The following DSCAM variants were observed in gnomAD, a reference collection of about 807,000 sequenced individuals.
DSCAM encodes the protein DS cell adhesion molecule.
Under a neutral mutation model 217.7 loss-of-function variants are expected in DSCAM, and 47 were observed. The ratio of observed to expected loss-of-function variants is 0.22; its 90% CI spans 0.17 to 0.28. DSCAM has a LOEUF of 0.28. Among genes scored for constraint, DSCAM ranks in the 10% least tolerant of loss-of-function variants. DSCAM has a pLI of 1.00. For synonymous variants in DSCAM, 1,056 were observed against 1,015.3 expected, an observed-to-expected ratio of 1.04 and a Z score of -0.76; for missense variants, 2,080 against 2,618.3, an observed-to-expected ratio of 0.79 and a Z score of 4.49.
Position 40,168,127 on chromosome 21 carries a change from T to C in DSCAM, c.2948-839A>G, listed in dbSNP as rs550660003. ...ACCAGGGGCTCTAGCCACAGAGTGC[T>C]GAAGCAATGTTAAAGAGGAAACAAA... On this transcript the variant is annotated intron_variant, in intron 15 of 32. Coordinates refer to ENST00000400454, the MANE Select transcript of DSCAM (RefSeq NM_001389.5). Among the ~76,000 whole-genome samples the C allele has an allele frequency of 7.9e-5, 12 of 152,292 alleles. No homozygotes were observed. The South Asian group carries it at 8.3e-4, about 11-fold the overall frequency.
Position 40,080,272 on chromosome 21 carries a change from G to T in DSCAM, c.4300C>A (p.Arg1434Ser). 1.2e-6 allele frequency: 2 copies of T among 1,613,546 alleles called. No homozygotes were observed. The highest frequency in any genetic ancestry group is 1.7e-6 in the Non-Finnish European group (2 of 1,179,916). ...WGSFPISPSERSYRLENLKCG... is the reference protein window; with the variant it reads ...WGSFPISPSESSYRLENLKCG... ...TTGAGATTTTCCAAGCGATAGGAAC[G>T]TTCGCTGGGGCTGATTGGAAAACTC... The change falls in exon 25 of 33, where the codon CGT (arginine) becomes AGT (serine). Residue 1434 changes from arginine (R) to serine (S), a missense_variant. Physicochemically the swap from Arg to Ser is moderately radical, Grantham distance 110. Around this residue, in one of 5 missense-constraint regions of DSCAM, gnomAD observed 1,144 missense variants for 1,421.1 expected, o/e 0.81. Transcript: ENST00000400454.
At chr21:40,362,028 T>G in intron 4 of DSCAM, among the ~76,000 whole-genome samples, 1 of 152,144 alleles carries the variant, frequency 6.6e-6, no homozygotes, top group Admixed American at 6.5e-5. Flanking sequence ...CGGTGTTTGG[T>G]TTTTTGTCCT....
intron 18 of DSCAM, among the ~76,000 whole-genome samples, chr21:40,140,247 C>T (rs1351180317): frequency 1.3e-5 from 2 of 152,164 alleles, no homozygotes; most frequent in African/African-American, 4.8e-5. Flanking sequence ...AAATGAAGTG[C>T]AGACTTCTAC....
chr21:40,134,634 T>TA (rs1471131630), intron 18 of DSCAM, among the ~76,000 whole-genome samples: 1 of 152,196 alleles, frequency 6.6e-6, no homozygotes, highest in African/African-American at 2.4e-5. Context: ...TGAAACTTTG[T>TA]ATCATTTGGG....
At chr21:40,573,597 A>G (rs114381798) in intron 3 of DSCAM, among the ~76,000 whole-genome samples, 1,552 of 152,302 alleles carry the variant, frequency 0.01, 24 homozygotes, top group African/African-American at 0.035. Flanking sequence ...TGTAAAACAA[A>G]AAGTTTTAGC....
intron 2 of DSCAM, among the ~76,000 whole-genome samples, chr21:40,694,321 A>C (rs1304516180): frequency 6.6e-6 from 1 of 152,192 alleles, no homozygotes; most frequent in Non-Finnish European, 1.5e-5. Context: ...TAACCACCTC[A>C]CTTAAAGAAT....
chr21:40,745,170 G>T (rs970363013), intron 1 of DSCAM, among the ~76,000 whole-genome samples: 2 of 151,954 alleles, frequency 1.3e-5, no homozygotes, highest in African/African-American at 4.8e-5. Flanking sequence ...GATACTATCA[G>T]GCAAACTAAC....
At chr21:40,661,779 T>C (rs1173300456) in intron 3 of DSCAM, among the ~76,000 whole-genome samples, 1 of 152,198 alleles carries the variant, frequency 6.6e-6, no homozygotes, top group African/African-American at 2.4e-5. Flanking sequence ...GGATGTCTGC[T>C]TTGGGGCGTG....
At chr21:40,802,555 A>G (rs2091751409) in intron 1 of DSCAM, among the ~76,000 whole-genome samples, 1 of 152,238 alleles carries the variant, frequency 6.6e-6, no homozygotes, top group South Asian at 2.1e-4. Context: ...CCAATGTGGC[A>G]GTATTAAGAG....
At position 40,533,264 on chromosome 21, in the gene DSCAM, G is replaced by T. The variant is rs373212288; in HGVS notation, c.508+159546C>A. Among the ~76,000 whole-genome samples the T allele has an allele frequency of 7.2e-5, 11 of 152,312 alleles. No individual in the cohort carries two copies. In the East Asian group the frequency reaches 1.9e-3, roughly 27 times the overall value. ...TGAATCCAGGCATGTGTGAATGCAT[G>T]TAAGAATAATTTCCTTTTCATTGCT... On this transcript the variant is annotated intron_variant, in intron 3 of 32. Coordinates refer to ENST00000400454, the MANE Select transcript of DSCAM (RefSeq NM_001389.5).
chr21:40,419,289 AT>A (rs2075401311), intron 3 of DSCAM, among the ~76,000 whole-genome samples: 2 of 152,214 alleles, frequency 1.3e-5, no homozygotes, highest in Middle Eastern at 3.4e-3. Context: ...CCCAGAAAAT[AT>A]TTTTTAAATG....
At chr21:40,582,075 T>A (rs144035041) in intron 3 of DSCAM, among the ~76,000 whole-genome samples, 1 of 152,286 alleles carries the variant, frequency 6.6e-6, no homozygotes, top group Non-Finnish European at 1.5e-5. Context: ...CAGTTTAGGA[T>A]TATGGTCCTA....
intron 8 of DSCAM, among the ~76,000 whole-genome samples, chr21:40,316,459 C>T (rs1288724144): frequency 6.6e-6 from 1 of 152,082 alleles, no homozygotes; most frequent in Non-Finnish European, 1.5e-5. Context: ...GACATAAGAT[C>T]GATGGCACAA....
At chr21:40,153,614 T>A (rs1462688158) in intron 16 of DSCAM, among the ~76,000 whole-genome samples, 1 of 152,130 alleles carries the variant, frequency 6.6e-6, no homozygotes, top group Non-Finnish European at 1.5e-5. Context: ...AGCCTGTATG[T>A]AGTGGTATGG....
chr21:40,490,108 G>T (rs976786870), intron 3 of DSCAM, among the ~76,000 whole-genome samples: 1 of 152,038 alleles, frequency 6.6e-6, no homozygotes, highest in Non-Finnish European at 1.5e-5. Flanking sequence ...GCGTGTGCAG[G>T]GGAACTCCCC....
chr21:40,222,252 T>C (rs1347891887), intron 11 of DSCAM, among the ~76,000 whole-genome samples: 1 of 152,222 alleles, frequency 6.6e-6, no homozygotes, highest in Non-Finnish European at 1.5e-5. Context: ...AAAAGTATTG[T>C]ATAATGGAGT....
intron 3 of DSCAM, among the ~76,000 whole-genome samples, chr21:40,428,232 CTTTGTGTGTGTGTGTG>C (rs1232535890): frequency 1.5e-5 from 2 of 129,434 alleles, no homozygotes; most frequent in African/African-American, 5.9e-5. Context: ...AGGGCAAATA[CTTTGTGTGTGTGTGTG>C]TGTGTGTGTG....
At chr21:40,375,124 C>T (rs1426483599) in intron 3 of DSCAM, among the ~76,000 whole-genome samples, 1 of 152,194 alleles carries the variant, frequency 6.6e-6, no homozygotes, top group African/African-American at 2.4e-5. Context: ...TCTTGTCCAT[C>T]ATATTTTATC....
chr21:40,759,411 AT>A (rs2091308144), intron 1 of DSCAM, among the ~76,000 whole-genome samples: 1 of 152,150 alleles, frequency 6.6e-6, no homozygotes, highest in Non-Finnish European at 1.5e-5. Flanking sequence ...GCTGGATTAC[AT>A]CTTTTTAAGC....
Sources: gnomAD v4.1 joint callset for allele counts (sites outside exome capture counted in the v4.1 genomes callset) on GRCh38, gnomAD v4.1.1 for gene constraint, gnomAD v4.1.1 regional missense constraint, MANE v1.5 for transcripts, NCBI Gene and HGNC (gene_info 2026-07-23, HGNC 2026-07-21) for gene names.